The following CDC73 variants were observed in gnomAD, a reference collection of about 807,000 sequenced individuals.
The protein encoded by CDC73 is parafibromin.
In CDC73, 21 loss-of-function variants were observed where a neutral mutation model predicts 83.7. The observed-to-expected ratio is 0.25, with a 90% CI of 0.18 to 0.36. The LOEUF (loss-of-function observed/expected upper bound fraction) is 0.36. Ranked by LOEUF, CDC73 falls within the 10% of genes least tolerant of loss-of-function variation. The pLI is 1.00. For missense variants in CDC73, 342 were observed against 653.3 expected (o/e 0.52, Z 5.19); for synonymous variants, 224 against 212.9 (o/e 1.05, Z -0.45).
intron 15 of CDC73, among the ~76,000 whole-genome samples, chr1:193,246,392 G>C (rs1677954280): frequency 6.6e-6 from 1 of 152,008 alleles, no homozygotes; most frequent in Non-Finnish European, 1.5e-5. Context: ...AAGTTAAATT[G>C]TTCTTGTTTG....
intron 15 of CDC73, among the ~76,000 whole-genome samples, chr1:193,241,140 T>C (rs193249463): frequency 6.6e-6 from 1 of 152,346 alleles, no homozygotes; most frequent in East Asian, 1.9e-4. Context: ...AAACATTGCT[T>C]CTTCTAGTTT....
At chr1:193,223,160 C>A (rs1677501409) in intron 13 of CDC73, among the ~76,000 whole-genome samples, 1 of 152,026 alleles carries the variant, frequency 6.6e-6, no homozygotes, top group Non-Finnish European at 1.5e-5. Flanking sequence ...AGTCCTTAGT[C>A]ATCTTCCTTT....
chr1:193,126,020 G>T (rs1402252094), intron 2 of CDC73, among the ~76,000 whole-genome samples: 2 of 152,064 alleles, frequency 1.3e-5, no homozygotes, highest in African/African-American at 4.8e-5. Context: ...CAGCTACTTG[G>T]GACTCTAAGG....
intron 9 of CDC73, among the ~76,000 whole-genome samples, chr1:193,150,656 C>A (rs1676088825): frequency 6.6e-6 from 1 of 152,118 alleles, no homozygotes; most frequent in Non-Finnish European, 1.5e-5. Flanking sequence ...TTATCTGGCC[C>A]TTTACAGAAA....
chr1:193,253,995 TATA>T lies in CDC73; in HGVS notation c.*3287_*3289del, dbSNP rs1678090755. 1 of 222,866 alleles carries T rather than the reference TATA, an allele frequency of 4.5e-6. No individual in the cohort carries two copies. The highest frequency in any genetic ancestry group is 9.0e-6 in the Non-Finnish European group (1 of 111,676). The allele number at this position is 222,866 out of a possible 1,614,324, so 13.8% of individuals were successfully genotyped here. A position where few individuals can be genotyped will look rare whatever the true frequency, so the allele number is the denominator to read the frequency against. ...ATTTTTTGAGACTAGCAGTATATTT[TATA>T]ATATTACAAATACAACAATTATTTA... On this transcript the variant is annotated 3_prime_UTR_variant, in exon 17 of 17. Coordinates refer to ENST00000367435, the MANE Select transcript of CDC73 (RefSeq NM_024529.5).
intron 10 of CDC73, among the ~76,000 whole-genome samples, chr1:193,156,025 TAAC>T (rs1204299273): frequency 1.3e-5 from 2 of 152,138 alleles, no homozygotes; most frequent in East Asian, 1.9e-4. Context: ...GTGGGGGAAA[TAAC>T]AATATATTTT....
intron 10 of CDC73, among the ~76,000 whole-genome samples, chr1:193,185,694 A>T (rs148848794): frequency 3.3e-5 from 5 of 152,126 alleles, no homozygotes; most frequent in Admixed American, 3.3e-4. Context: ...ATTTGATAGA[A>T]TATTGCTGTG....
chr1:193,181,642 T>A, intron 10 of CDC73: 1 of 1,287,544 alleles, frequency 7.8e-7, no homozygotes, highest in East Asian at 2.4e-5. Context: ...TCTTTGGCAA[T>A]CATTTTCTAA....
chr1:193,127,596 A>G (rs1373998638), intron 2 of CDC73, among the ~76,000 whole-genome samples: 1 of 151,984 alleles, frequency 6.6e-6, no homozygotes, highest in Non-Finnish European at 1.5e-5. Flanking sequence ...GTTGGCTTAG[A>G]TTTATAGATT....
intron 10 of CDC73, among the ~76,000 whole-genome samples, chr1:193,158,953 TAC>T (rs59889130): frequency 0.62 from 94,629 of 151,838 alleles, 29,931 homozygotes; most frequent in South Asian, 0.77. Flanking sequence ...ATCTGTTGTA[TAC>T]AGTTTTTTGT....
intron 15 of CDC73, among the ~76,000 whole-genome samples, chr1:193,247,170 A>T (rs74130942): frequency 0.054 from 8,147 of 152,164 alleles, 510 homozygotes; most frequent in African/African-American, 0.15. Flanking sequence ...ATTGGCACCA[A>T]TTGTCCAACA....
At chr1:193,210,963 T>A (rs1677267792) in intron 11 of CDC73, among the ~76,000 whole-genome samples, 1 of 152,254 alleles carries the variant, frequency 6.6e-6, no homozygotes, top group Non-Finnish European at 1.5e-5. Context: ...TTAAGCGTAT[T>A]CGCACTTCGC....
At chr1:193,246,737 A>T (rs1677961320) in intron 15 of CDC73, among the ~76,000 whole-genome samples, 1 of 152,134 alleles carries the variant, frequency 6.6e-6, no homozygotes, top group Non-Finnish European at 1.5e-5. Context: ...TAGCTTAATA[A>T]ACTATAATTA....
At chr1:193,156,084 C>G (rs1165349696) in intron 10 of CDC73, among the ~76,000 whole-genome samples, 1 of 152,126 alleles carries the variant, frequency 6.6e-6, no homozygotes, top group Non-Finnish European at 1.5e-5. Flanking sequence ...AAGAATGTCA[C>G]TTGATAAAGT....
intron 8 of CDC73, among the ~76,000 whole-genome samples, chr1:193,148,637 TA>T (rs1460948193): frequency 3.4e-5 from 5 of 146,502 alleles, no homozygotes; most frequent in African/African-American, 1.2e-4. Flanking sequence ...AGAAAATTTA[TA>T]ATTTTTTTTT....
intron 9 of CDC73, among the ~76,000 whole-genome samples, 179 bp from the exon 10 acceptor site, chr1:193,152,201 A>G (rs1273760119): frequency 6.6e-6 from 1 of 152,190 alleles, no homozygotes; most frequent in Non-Finnish European, 1.5e-5. Context: ...TTTTTAACCT[A>G]GAGTCCTTTT....
intron 10 of CDC73, chr1:193,180,992 A>G (rs1425629651): frequency 9.3e-6 from 15 of 1,613,452 alleles, no homozygotes; most frequent in Non-Finnish European, 1.3e-5. Context: ...CTTAAGCCCA[A>G]CAAAAATATT....
At chr1:193,134,137 T>G (rs1031041243) in intron 3 of CDC73, among the ~76,000 whole-genome samples, 2 of 152,104 alleles carry the variant, frequency 1.3e-5, no homozygotes, top group African/African-American at 4.8e-5. Flanking sequence ...TTTTTACCAG[T>G]TGTGAATAAC....
At chr1:193,139,969 G>T (rs545319510) in intron 6 of CDC73, among the ~76,000 whole-genome samples, 1 of 152,234 alleles carries the variant, frequency 6.6e-6, no homozygotes, top group South Asian at 2.1e-4. Context: ...CTTCATATTT[G>T]TGCTAGTCAG....
Sources: allele counts gnomAD v4.1 joint callset (sites outside exome capture counted in the v4.1 genomes callset), GRCh38; gene constraint gnomAD v4.1.1; transcripts MANE v1.5; gene names NCBI Gene and HGNC (gene_info 2026-07-23, HGNC 2026-07-21).